SH3RF1: variants seen among roughly 807,000 people sequenced by gnomAD.
SH3RF1 encodes SH3 domain containing ring finger 1.
Under a neutral mutation model 74.0 loss-of-function variants are expected in SH3RF1, and 32 were observed. The ratio of observed to expected loss-of-function variants is 0.43; its 90% confidence interval spans 0.33 to 0.58. The LOEUF (loss-of-function observed/expected upper bound fraction) is 0.58. SH3RF1 is among the 20% of genes least tolerant of loss of function. The pLI is 0.05. For synonymous variants in SH3RF1, 396 were observed against 439.6 expected, an observed-to-expected ratio of 0.90 and a Z score of 1.24; for missense variants, 954 against 1,130.9, an observed-to-expected ratio of 0.84 and a Z score of 2.24.
intron 2 of SH3RF1, among the ~76,000 whole-genome samples, chr4:169,201,177 G>A (rs1734900753): frequency 6.6e-6 from 1 of 152,056 alleles, no homozygotes; most frequent in Non-Finnish European, 1.5e-5. Flanking sequence ...ATTAAATTTA[G>A]TGAAAAGTAG....
chr4:169,265,621 G>T (rs547696448), intron 2 of SH3RF1, among the ~76,000 whole-genome samples: 2 of 152,144 alleles, frequency 1.3e-5, no homozygotes, highest in South Asian at 4.2e-4. Context: ...TTATAGGCAC[G>T]TGCCACCACA....
At position 169,136,611 on chromosome 4, in the gene SH3RF1, C is replaced by A; in HGVS notation, c.775G>T (p.Ala259Ser). 1 of 1,509,108 alleles carries A rather than the reference C, an allele frequency of 6.6e-7. No homozygotes were observed. Among genetic ancestry groups the A allele is most frequent in the Non-Finnish European group, 8.9e-7 (1 of 1,127,194 alleles). 93.5% of individuals were successfully genotyped at this position (1,509,108 alleles called of 1,614,324 possible). A position where few individuals can be genotyped will look rare whatever the true frequency, so the allele number is the denominator to read the frequency against. Residue 259 changes from alanine to serine, a missense_variant, in exon 5 of 12, where the codon GCT (alanine) becomes TCT (serine). By Grantham distance (99) the Ala-to-Ser change is moderately conservative. This residue lies in a region of SH3RF1 where 854 missense variants were observed against 962.5 expected (regional missense o/e 0.89). Transcript: ENST00000284637. The part of the protein sequence containing the change: ...FPISYVEFNS[A>S]AKQLIEWDKP... The stretch of plus-strand genomic sequence containing the variant: ...TCCCATTCTATCAGCTGCTTAGCAG[C>A]CGAGTTAAACTGCAAAAGCAACCAA...
At chr4:169,139,679 T>C (rs1258782272) in intron 4 of SH3RF1, among the ~76,000 whole-genome samples, 2 of 152,246 alleles carry the variant, frequency 1.3e-5, no homozygotes, top group South Asian at 2.1e-4. Flanking sequence ...TGCTGGACCA[T>C]AGGGTTGGAT....
At chr4:169,108,019 TG>T (rs1300982919) in intron 10 of SH3RF1, among the ~76,000 whole-genome samples, 2 of 152,270 alleles carry the variant, frequency 1.3e-5, no homozygotes, top group Non-Finnish European at 2.9e-5. Context: ...CTTGAATTTT[TG>T]TCTCTTGATA....
At chr4:169,225,914 G>C (rs979049544) in intron 2 of SH3RF1, among the ~76,000 whole-genome samples, 1 of 152,170 alleles carries the variant, frequency 6.6e-6, no homozygotes, top group Non-Finnish European at 1.5e-5. Flanking sequence ...TTAGAAAGAG[G>C]AAGAGACACC....
In SH3RF1 at chr4:169,116,460, T is replaced by G. The variant is rs141736035; in HGVS notation, c.1948A>C (p.Ser650Arg). 3.9e-4 allele frequency: 624 copies of G among 1,613,992 alleles called. 4 individuals are homozygous for G. In the African/African-American group the frequency reaches 7.9e-3, roughly 20 times the overall value. Residue 650 changes from serine to arginine, a missense_variant, in exon 10 of 12, where the codon AGT becomes CGT. This residue lies in a region of SH3RF1 where 854 missense variants were observed against 962.5 expected (regional missense o/e 0.89). Coordinates refer to ENST00000284637, the MANE Select transcript of SH3RF1 (RefSeq NM_020870.4). The part of the protein sequence containing the change: ...SATHTAAISI[S>R]RASAPLACAA... ...CAGGCCAGAGGGGCACTGGCTCGACTGATACTGATGGCAGCAGTGTGCGTG... is the reference window on the plus strand; with the variant it reads ...CAGGCCAGAGGGGCACTGGCTCGACGGATACTGATGGCAGCAGTGTGCGTG...
At chr4:169,193,234 A>C (rs1734758615) in intron 2 of SH3RF1, among the ~76,000 whole-genome samples, 1 of 152,168 alleles carries the variant, frequency 6.6e-6, no homozygotes, top group Admixed American at 6.6e-5. Context: ...TCACCACTAA[A>C]GAACTCACTT....
intron 2 of SH3RF1, among the ~76,000 whole-genome samples, chr4:169,207,721 C>G (rs1216897856): frequency 6.6e-6 from 1 of 152,164 alleles, no homozygotes; most frequent in Non-Finnish European, 1.5e-5. Context: ...CTGGGCCAGT[C>G]CCAGTCAATC....
intron 6 of SH3RF1, among the ~76,000 whole-genome samples, chr4:169,124,131 G>C (rs909916027): frequency 3.3e-5 from 5 of 152,110 alleles, no homozygotes; most frequent in African/African-American, 1.2e-4. Flanking sequence ...GTAATATATG[G>C]AGAAACTGTA....
chr4:169,124,916 G>A (rs149166146), intron 6 of SH3RF1, among the ~76,000 whole-genome samples: 80 of 152,256 alleles, frequency 5.3e-4, no homozygotes, highest in African/African-American at 1.9e-3. Context: ...TCACCCGGAG[G>A]TGACCTGGAG....
At chr4:169,222,487 T>A (rs188483197) in intron 2 of SH3RF1, among the ~76,000 whole-genome samples, 35 of 148,538 alleles carry the variant, frequency 2.4e-4, no homozygotes, top group East Asian at 1.6e-3. Context: ...TATATGTATT[T>A]TATATATATA....
At chr4:169,214,419 G>A (rs1257643865) in intron 2 of SH3RF1, among the ~76,000 whole-genome samples, 7 of 152,112 alleles carry the variant, frequency 4.6e-5, no homozygotes, top group Admixed American at 4.6e-4. Context: ...CCCAGCCTCA[G>A]ATATTCCTTT....
chr4:169,250,623 C>CA (rs2110745335), intron 2 of SH3RF1, among the ~76,000 whole-genome samples: 1 of 152,254 alleles, frequency 6.6e-6, no homozygotes, highest in East Asian at 1.9e-4. Flanking sequence ...GCTGGGGATA[C>CA]AGACAGGAAT....
chr4:169,172,589 G>A (rs1734348917), intron 2 of SH3RF1, among the ~76,000 whole-genome samples: 1 of 152,188 alleles, frequency 6.6e-6, no homozygotes. Context: ...ATGATTTAAG[G>A]AGATGTGTAT....
chr4:169,120,986 A>G lies in SH3RF1; in HGVS notation c.1350T>C (p.Tyr450=). The part of the protein sequence containing the change: ...HLRPQTRPSV[Y]VAIYPYTPRK... ...GAGGAGTGTATGGATATATAGCAAC[A>G]TACCTAGAATAGAAAATAATATTTG... The change falls in exon 8 of 12, where the codon TAT becomes TAC. Residue 450 remains tyrosine, a synonymous_variant. Coordinates refer to ENST00000284637, the MANE Select transcript of SH3RF1 (RefSeq NM_020870.4). The G allele has an allele frequency of 6.2e-7, 1 of 1,610,912 alleles. No individual in the cohort carries two copies. Among genetic ancestry groups the G allele is most frequent in the Non-Finnish European group, 8.5e-7 (1 of 1,177,286 alleles).
intron 10 of SH3RF1, among the ~76,000 whole-genome samples, chr4:169,111,855 G>A (rs977097711): frequency 1.3e-5 from 2 of 152,174 alleles, no homozygotes; most frequent in Admixed American, 1.3e-4. Context: ...ATCAAACCAC[G>A]GAGTGCAGAC....
chr4:169,223,246 C>T (rs1236994364), intron 2 of SH3RF1, among the ~76,000 whole-genome samples: 1 of 152,148 alleles, frequency 6.6e-6, no homozygotes, highest in African/African-American at 2.4e-5. Context: ...GGCCACTAAG[C>T]ATGGATCAGA....
At chr4:169,181,633 T>C (rs183226168) in intron 2 of SH3RF1, among the ~76,000 whole-genome samples, 1 of 152,282 alleles carries the variant, frequency 6.6e-6, no homozygotes, top group African/African-American at 2.4e-5. Flanking sequence ...TGAGGCATCA[T>C]GATGATGATA....
At chr4:169,195,294 A>T (rs962205027) in intron 2 of SH3RF1, among the ~76,000 whole-genome samples, 1 of 152,214 alleles carries the variant, frequency 6.6e-6, no homozygotes, top group Non-Finnish European at 1.5e-5. Flanking sequence ...ACTACTGGTT[A>T]TAATTATACC....
Sources: allele counts gnomAD v4.1 joint callset (sites outside exome capture counted in the v4.1 genomes callset), GRCh38; gene constraint gnomAD v4.1.1; regional missense constraint gnomAD v4.1.1; transcripts MANE v1.5; gene names NCBI Gene and HGNC (gene_info 2026-07-23, HGNC 2026-07-21).